Variants in NUP160 observed in about 807,000 individuals in gnomAD.
NUP160 encodes the protein nuclear pore complex protein Nup160.
A neutral mutation model predicts 196.9 loss-of-function variants in NUP160; 94 were observed. The ratio of observed to expected loss-of-function variants is 0.48; its 90% CI spans 0.40 to 0.57. The LOEUF (loss-of-function observed/expected upper bound fraction) is 0.57, where lower values mean the gene tolerates loss of function less well. Ranked by LOEUF, NUP160 falls within the 20% of genes least tolerant of loss-of-function variation. The probability of loss-of-function intolerance (pLI) is 0.00; values close to 1 mark genes in which losing one functional copy is unlikely to be tolerated. For missense variants in NUP160, 1,638 were observed against 1,748.3 expected (o/e 0.94, Z 1.13); for synonymous variants, 605 against 619.7 (o/e 0.98, Z 0.35).
chr11:47,784,023 CAAAAACAAAAAA>C (rs2097663058), intron 33 of NUP160, among the ~76,000 whole-genome samples: 1 of 150,304 alleles, frequency 6.7e-6, no homozygotes, highest in Admixed American at 6.6e-5. Context: ...AAAACAAAAA[CAAAAACAAAAAA>C]AACAAAACAA....
At chr11:47,817,217 C>T (rs1430748937) in intron 11 of NUP160, among the ~76,000 whole-genome samples, 1 of 151,772 alleles carries the variant, frequency 6.6e-6, no homozygotes, top group African/African-American at 2.4e-5. Flanking sequence ...CTCCTGGGCT[C>T]AAGTGATCTT....
Position 47,806,788 on chromosome 11 carries a change from T to TAC in NUP160, c.2446+281_2446+282insGT, listed in dbSNP as rs1491520212. Among the ~76,000 whole-genome samples, 123 of 106,480 alleles carry TAC rather than the reference T, an allele frequency of 1.2e-3. 3 individuals are homozygous for TAC. The highest frequency in any genetic ancestry group is 2.4e-3 in the Admixed American group (23 of 9,730). The allele number at this position is 106,480 out of a possible 152,430, so 69.9% of individuals were successfully genotyped here. On this transcript the variant is annotated intron_variant, in intron 19 of 35. Transcript: ENST00000378460. ...CATCAAAACAGAATGGGAAAGCAGCTATACACACACACACACACACACACA... is the reference window on the plus strand; with the variant it reads ...CATCAAAACAGAATGGGAAAGCAGCTACATACACACACACACACACACACACA...
At chr11:47,847,437 A>G (rs75088895) in intron 2 of NUP160, among the ~76,000 whole-genome samples, 5 of 152,292 alleles carry the variant, frequency 3.3e-5, no homozygotes, top group Admixed American at 6.5e-5. Flanking sequence ...AACGTCTTGC[A>G]TGATGAAAAT....
At chr11:47,803,416 T>C in intron 22 of NUP160, 22 bp downstream of exon 22, 1 of 1,402,998 alleles carries the variant, frequency 7.1e-7, no homozygotes, top group Non-Finnish European at 1.0e-6. Context: ...TAAAGTTTAT[T>C]TGCCATTCAA....
intron 17 of NUP160, 28 bp from the exon 18 acceptor site, chr11:47,808,557 C>T: frequency 6.3e-7 from 1 of 1,599,448 alleles, no homozygotes; most frequent in Middle Eastern, 1.7e-4. Flanking sequence ...GTGGACCAGA[C>T]AAGAAATTAT....
At chr11:47,803,142 A>AAATAATAATAATAAT (rs55654627) in intron 22 of NUP160, among the ~76,000 whole-genome samples, 4,969 of 138,966 alleles carry the variant, frequency 0.036, 116 homozygotes, top group Non-Finnish European at 0.05. Flanking sequence ...TGATTTTACA[A>AAATAATAATAATAAT]AATAATAATA....
intron 29 of NUP160, among the ~76,000 whole-genome samples, chr11:47,789,765 T>C (rs2097666836): frequency 6.6e-6 from 1 of 151,980 alleles, no homozygotes; most frequent in Non-Finnish European, 1.5e-5. Flanking sequence ...CTAAATTGCA[T>C]GTATAGTTGA....
At chr11:47,834,333 G>A (rs1163002586) in intron 7 of NUP160, among the ~76,000 whole-genome samples, 1 of 152,130 alleles carries the variant, frequency 6.6e-6, no homozygotes, top group Non-Finnish European at 1.5e-5. Flanking sequence ...AGTTAGAGCA[G>A]GGTCAATTCT....
chr11:47,779,146 C>T, exon 36 of NUP160: 1 of 1,613,766 alleles, frequency 6.2e-7, no homozygotes, highest in South Asian at 1.1e-5. Flanking sequence ...GTTGCCTTAT[C>T]AACTTTTTGC....
At chr11:47,783,406 G>C (rs536493391) in intron 33 of NUP160, among the ~76,000 whole-genome samples, 1 of 151,716 alleles carries the variant, frequency 6.6e-6, no homozygotes. Flanking sequence ...CCTAAGAGCC[G>C]TTACCTCTAG....
intron 28 of NUP160, 101 bp from the exon 29 acceptor site, chr11:47,792,091 A>C (rs1280273938): frequency 1.2e-6 from 1 of 804,508 alleles, no homozygotes; most frequent in Non-Finnish European, 2.0e-6. Flanking sequence ...TTCTCAATGG[A>C]AATTATTTTT....
intron 19 of NUP160, among the ~76,000 whole-genome samples, chr11:47,806,852 C>CACACACACACACATAT (rs1428564239): frequency 8.0e-6 from 1 of 124,252 alleles, no homozygotes; most frequent in African/African-American, 3.2e-5. Flanking sequence ...CACACACACA[C>CACACACACACACATAT]ATATATATAC....
At chr11:47,813,161 G>A (rs2097682132) in intron 14 of NUP160, 114 bp from the exon 15 acceptor site, 3 of 990,296 alleles carry the variant, frequency 3.0e-6, no homozygotes, top group Non-Finnish European at 4.5e-6. Flanking sequence ...AGGTCTCAGA[G>A]ATGCTTTGGT....
intron 13 of NUP160, chr11:47,815,247 A>C: frequency 1.1e-5 from 4 of 352,828 alleles, no homozygotes; most frequent in Non-Finnish European, 1.5e-5. Context: ...AAAAGAAATA[A>C]ATACAATAAA....
At chr11:47,804,503 A>G (rs762536416) in intron 21 of NUP160, 46 bp downstream of exon 21, 2 of 1,297,834 alleles carry the variant, frequency 1.5e-6, no homozygotes, top group East Asian at 2.6e-5. Flanking sequence ...CAGCAATCCC[A>G]TGCTTTACAA....
exon 26 of NUP160, chr11:47,798,021 A>C: frequency 6.3e-7 from 1 of 1,581,812 alleles, no homozygotes; most frequent in Non-Finnish European, 8.6e-7. Context: ...AAGATCCTGT[A>C]GCTGTGAGCG....
chr11:47,796,627 A>G (rs2097671037), intron 27 of NUP160, among the ~76,000 whole-genome samples: 1 of 152,220 alleles, frequency 6.6e-6, no homozygotes, highest in African/African-American at 2.4e-5. Context: ...CACTGCGTTA[A>G]TGTTTTAACT....
intron 1 of NUP160, 92 bp downstream of exon 1, chr11:47,848,127 G>T: frequency 6.9e-7 from 1 of 1,454,314 alleles, no homozygotes; most frequent in Non-Finnish European, 9.7e-7. Context: ...TGTGGACTCA[G>T]GAGGATGAAA....
intron 4 of NUP160, among the ~76,000 whole-genome samples, chr11:47,838,313 G>C (rs534327179): frequency 6.6e-6 from 1 of 152,206 alleles, no homozygotes; most frequent in South Asian, 2.1e-4. Flanking sequence ...GTGAAGAGGG[G>C]AAGAGTGAAC....
Sources: gnomAD v4.1 joint callset for allele counts (sites outside exome capture counted in the v4.1 genomes callset) on GRCh38, gnomAD v4.1.1 for gene constraint, MANE v1.5 for transcripts, NCBI Gene and HGNC (gene_info 2026-07-23, HGNC 2026-07-21) for gene names.